The following CAB39 variants were observed in gnomAD, a reference collection of about 807,000 sequenced individuals.
The protein encoded by CAB39 is calcium-binding protein 39.
In CAB39, 8 loss-of-function variants were observed where a neutral mutation model predicts 40.0. That is an observed-to-expected ratio of 0.20 (90% confidence interval 0.12 to 0.36). The LOEUF is 0.36. CAB39 is among the 10% of genes least tolerant of loss of function. The probability of loss-of-function intolerance (pLI) is 1.00; values close to 1 mark genes in which losing one functional copy is unlikely to be tolerated. For synonymous variants in CAB39, 156 were observed against 141.6 expected (o/e 1.10, Z -0.72); for missense variants, 270 against 401.1 (o/e 0.67, Z 2.79).
At chr2:230,807,157 T>C (rs1340782988) in intron 5 of CAB39, among the ~76,000 whole-genome samples, 1 of 152,126 alleles carries the variant, frequency 6.6e-6, no homozygotes, top group Non-Finnish European at 1.5e-5. Flanking sequence ...ACCCTAAACT[T>C]TGCAGGTCTG....
chr2:230,786,497 G>T (rs1344556871), intron 2 of CAB39, among the ~76,000 whole-genome samples: 1 of 152,050 alleles, frequency 6.6e-6, no homozygotes, highest in African/African-American at 2.4e-5. Context: ...TTAATTTTAG[G>T]ACATTTTGTC....
chr2:230,724,457 G>T (rs909242797), intron 1 of CAB39, among the ~76,000 whole-genome samples: 1 of 151,914 alleles, frequency 6.6e-6, no homozygotes, highest in African/African-American at 2.4e-5. Flanking sequence ...CGAGGTGGGC[G>T]GATCACCTGA....
intron 1 of CAB39, among the ~76,000 whole-genome samples, chr2:230,722,230 T>A (rs904409761): frequency 9.9e-5 from 15 of 152,224 alleles, no homozygotes; most frequent in African/African-American, 3.6e-4. Context: ...ACTACTAAAA[T>A]CAGCATGCAA....
chr2:230,760,479 A>G (rs1449822102), intron 2 of CAB39, among the ~76,000 whole-genome samples: 4 of 152,140 alleles, frequency 2.6e-5, no homozygotes, highest in Non-Finnish European at 4.4e-5. Context: ...CTGCCTCCCA[A>G]AGTGCTAGGA....
chr2:230,722,785 A>C (rs930322582), intron 1 of CAB39, among the ~76,000 whole-genome samples: 4 of 152,218 alleles, frequency 2.6e-5, no homozygotes, highest in Non-Finnish European at 4.4e-5. Context: ...AGACTTTAGA[A>C]GTGTTTAAGC....
intron 2 of CAB39, among the ~76,000 whole-genome samples, chr2:230,768,996 G>A (rs750898311): frequency 2.6e-4 from 39 of 152,106 alleles, no homozygotes; most frequent in Admixed American, 4.6e-4. Context: ...ACTATATGGT[G>A]CCTATTAAAA....
chr2:230,725,196 T>A, intron 1 of CAB39: 1 of 1,605,694 alleles, frequency 6.2e-7, no homozygotes, highest in South Asian at 1.1e-5. Context: ...TGCTTGGCGC[T>A]GGCGCCACAA....
Position 230,759,924 on chromosome 2 carries a change from G to A in CAB39, c.-43-35G>A, listed in dbSNP as rs147482797. The A allele has an allele frequency of 5.8e-4, 413 of 707,340 alleles. 2 individuals carry two copies. The African/African-American group carries it at 6.2e-3, about 11-fold the overall frequency. The allele number at this position is 707,340 out of a possible 1,614,324, so 43.8% of individuals were successfully genotyped here. A position where few individuals can be genotyped will look rare whatever the true frequency, so the allele number is the denominator to read the frequency against. ...GAAAGTCTGTCTTCCGTTGATCCCA[G>A]TGTTTGCTCACATGAACCTTGTGCT... On this transcript the variant is annotated intron_variant, in intron 1 of 8. Coordinates refer to ENST00000258418, the MANE Select transcript of CAB39 (RefSeq NM_016289.4).
At chr2:230,757,880 A>T (rs1274391925) in intron 1 of CAB39, among the ~76,000 whole-genome samples, 2 of 152,056 alleles carry the variant, frequency 1.3e-5, no homozygotes. Context: ...GAAAAGAATG[A>T]TCCAGGCTTT....
At chr2:230,748,831 A>AAAAAAAAAATATAT (rs1386799920) in intron 1 of CAB39, among the ~76,000 whole-genome samples, 1 of 28,510 alleles carries the variant, frequency 3.5e-5, no homozygotes, top group African/African-American at 1.3e-4. Flanking sequence ...AAAAAAAAAA[A>AAAAAAAAAATATAT]ATATATATAT....
intron 3 of CAB39, 128 bp downstream of exon 3, chr2:230,791,164 G>A: frequency 1.5e-6 from 1 of 667,206 alleles, no homozygotes; most frequent in Non-Finnish European, 2.4e-6. Context: ...ACCTCTGTCA[G>A]CATGCCTGGG....
intron 2 of CAB39, 119 bp from the exon 3 acceptor site, chr2:230,790,753 T>C: frequency 1.2e-6 from 1 of 830,074 alleles, no homozygotes; most frequent in East Asian, 2.5e-5. Context: ...CTTTGCTTCT[T>C]GTTCATAGGT....
intron 1 of CAB39, among the ~76,000 whole-genome samples, chr2:230,750,406 C>A (rs982357947): frequency 6.6e-6 from 1 of 152,146 alleles, no homozygotes; most frequent in Non-Finnish European, 1.5e-5. Flanking sequence ...TAGCACAAAA[C>A]CCTCACCAGA....
intron 1 of CAB39, among the ~76,000 whole-genome samples, chr2:230,754,498 C>A (rs140960395): frequency 6.7e-6 from 1 of 149,860 alleles, no homozygotes; most frequent in Non-Finnish European, 1.5e-5. Context: ...CCTCTTCCTC[C>A]TCCTCCTCAT....
intron 2 of CAB39, among the ~76,000 whole-genome samples, chr2:230,761,240 C>A (rs1199225149): frequency 6.6e-6 from 1 of 152,116 alleles, no homozygotes; most frequent in Non-Finnish European, 1.5e-5. Flanking sequence ...ATTGAAGTAT[C>A]AAAAGGCAAA....
intron 2 of CAB39, among the ~76,000 whole-genome samples, chr2:230,760,833 A>G (rs78747903): frequency 0.011 from 1,718 of 152,322 alleles, 41 homozygotes; most frequent in African/African-American, 0.039. Context: ...TTTATGATTC[A>G]GTTCTGACTT....
At chr2:230,727,277 G>T (rs1694597351) in intron 1 of CAB39, among the ~76,000 whole-genome samples, 1 of 151,514 alleles carries the variant, frequency 6.6e-6, no homozygotes, top group East Asian at 1.9e-4. Context: ...GAAGCTAAAA[G>T]GGAGGGGCGG....
chr2:230,807,342 C>T (rs899369667), intron 5 of CAB39, among the ~76,000 whole-genome samples: 1 of 152,086 alleles, frequency 6.6e-6, no homozygotes, highest in African/African-American at 2.4e-5. Context: ...CTCCTTTTCC[C>T]AGCTTAGTAT....
chr2:230,721,335 G>T (rs1694448921), intron 1 of CAB39, among the ~76,000 whole-genome samples: 1 of 152,188 alleles, frequency 6.6e-6, no homozygotes. Context: ...GAAGGCTGAG[G>T]CAGGAGAATC....
Sources: allele counts gnomAD v4.1 joint callset (sites outside exome capture counted in the v4.1 genomes callset), GRCh38; gene constraint gnomAD v4.1.1; transcripts MANE v1.5; gene names NCBI Gene and HGNC (gene_info 2026-07-23, HGNC 2026-07-21).